The following DYDC2 variants were observed in gnomAD, a reference collection of about 807,000 sequenced individuals.
DYDC2 encodes the protein DPY30 domain containing 2, also known as DPY30 domain-containing protein 2.
Under a neutral mutation model 18.7 loss-of-function variants are expected in DYDC2, and 19 were observed. That is an observed-to-expected ratio of 1.02 (90% CI 0.71 to 1.49). The LOEUF is 1.49. Among genes scored for constraint, DYDC2 ranks in the 40% most tolerant of loss-of-function variants. The pLI is 0.00. For missense variants in DYDC2, 179 were observed against 205.1 expected, an observed-to-expected ratio of 0.87 and a Z score of 0.78; for synonymous variants, 63 against 67.6, an observed-to-expected ratio of 0.93 and a Z score of 0.34.
Position 80,366,668 on chromosome 10 carries a change from C to A in DYDC2, c.271-20C>A, listed in dbSNP as rs752816707. ...TTAGTCTCTAATAATAAGTTTTCGG[C>A]TTTTTTGTTTTCTATTTAGGAACTG... On this transcript the variant is annotated intron_variant, in intron 4 of 4. Coordinates refer to ENST00000256039, the MANE Select transcript of DYDC2 (RefSeq NM_032372.6). 3.8e-6 allele frequency: 6 copies of A among 1,577,302 alleles called. No individual in the cohort carries two copies. Among genetic ancestry groups the A allele is most frequent in the Non-Finnish European group, 5.2e-6 (6 of 1,163,230 alleles).
At chr10:80,355,565 A>C (rs1166486077), upstream of DYDC2, among the ~76,000 whole-genome samples, 1 of 152,182 alleles carries the variant, frequency 6.6e-6, no homozygotes, top group East Asian at 1.9e-4. Context: ...CAATAGTCAC[A>C]CTGAAGCACC....
chr10:80,351,832 T>C, upstream of DYDC2: 1 of 1,422,694 alleles, frequency 7.0e-7, no homozygotes, highest in Non-Finnish European at 9.8e-7. Context: ...TTATCAACAT[T>C]TAGGCTGTGC....
In DYDC2 at chr10:80,357,802, T is replaced by G. The variant is rs551689141; in HGVS notation, c.-162-91T>G. 5.5e-5 allele frequency: 54 copies of G among 985,542 alleles called. 1 individual carries two copies. The South Asian group carries it at 1.5e-3, about 27-fold the overall frequency. 61.0% of individuals were successfully genotyped at this position (985,542 alleles called of 1,614,324 possible). A position where few individuals can be genotyped will look rare whatever the true frequency, so the allele number is the denominator to read the frequency against. On this transcript the variant is annotated intron_variant, in intron 1 of 4. Transcript: ENST00000256039. ...CCTTAATAGATGTTAGTTGAGCTAGTAAATGCCAGATTGGGCGTGGAAAAA... is the reference window on the plus strand; with the variant it reads ...CCTTAATAGATGTTAGTTGAGCTAGGAAATGCCAGATTGGGCGTGGAAAAA...
chr10:80,353,133 C>T (rs1843103904), upstream of DYDC2, among the ~76,000 whole-genome samples: 1 of 151,922 alleles, frequency 6.6e-6, no homozygotes, highest in African/African-American at 2.4e-5. Context: ...TACAAAGCAT[C>T]ACAATAGTCC....
upstream of DYDC2, chr10:80,352,835 A>G (rs567645032): frequency 6.2e-5 from 25 of 400,436 alleles, no homozygotes; most frequent in Non-Finnish European, 1.0e-4. Flanking sequence ...ATCCTGAAGG[A>G]CTCTCAAGTC....
chr10:80,346,108 A>G (rs991161415), intron 1 of DYDC2, among the ~76,000 whole-genome samples: 4 of 152,222 alleles, frequency 2.6e-5, no homozygotes, highest in African/African-American at 9.7e-5. Context: ...TCGGCCTCCC[A>G]AAGTACTGGG....
intron 1 of DYDC2, among the ~76,000 whole-genome samples, chr10:80,347,959 T>C (rs1842768491): frequency 6.6e-6 from 1 of 152,192 alleles, no homozygotes; most frequent in Non-Finnish European, 1.5e-5. Flanking sequence ...TCCATACAAA[T>C]TTTAGAATTG....
chr10:80,365,185 A>T (rs1426963248), intron 4 of DYDC2, among the ~76,000 whole-genome samples: 2 of 152,192 alleles, frequency 1.3e-5, no homozygotes, highest in Non-Finnish European at 2.9e-5. Flanking sequence ...CATGACTTGG[A>T]TACAGGTTAG....
At chr10:80,360,466 C>T (rs1045856590) in intron 2 of DYDC2, among the ~76,000 whole-genome samples, 1 of 152,168 alleles carries the variant, frequency 6.6e-6, no homozygotes, top group African/African-American at 2.4e-5. Flanking sequence ...TGTTCCTACT[C>T]AGATAATCCA....
rs1459611847 is a variant in DYDC2, at chr10:80,367,844, C to T, written c.*893C>T. On this transcript the variant is annotated 3_prime_UTR_variant, in exon 5 of 5. Coordinates refer to ENST00000256039, the MANE Select transcript of DYDC2 (RefSeq NM_032372.6). ...TACATGTAAGATGTACCATCTTAAC[C>T]ATTTTTAAGTGTACAGATCAGTTGT... 1 of 152,096 alleles carries T rather than the reference C, an allele frequency of 6.6e-6. No individual in the cohort carries two copies. Among genetic ancestry groups the T allele is most frequent in the African/African-American group, 2.4e-5 (1 of 41,396 alleles). The allele number at this position is 152,096 out of a possible 1,614,324, so 9.4% of individuals were successfully genotyped here. A position where few individuals can be genotyped will look rare whatever the true frequency, so the allele number is the denominator to read the frequency against.
upstream of DYDC2, chr10:80,356,358 C>T (rs1418073889): frequency 1.0e-6 from 1 of 985,750 alleles, no homozygotes; most frequent in Non-Finnish European, 1.2e-6. Flanking sequence ...CTTACCCACA[C>T]CTGGGAGACA....
chr10:80,359,247 A>C lies in DYDC2; in HGVS notation c.-10+1202A>C, dbSNP rs182892372. ...AGACACAAAAGTTCTCCAAGTCCCCACTAGATTAGCTAGACACAGAGCACT... is the reference window on the plus strand; with the variant it reads ...AGACACAAAAGTTCTCCAAGTCCCCCCTAGATTAGCTAGACACAGAGCACT... On this transcript the variant is annotated intron_variant, in intron 2 of 4. Transcript: ENST00000256039. Among the ~76,000 whole-genome samples the C allele has an allele frequency of 2.9e-3, 435 of 152,250 alleles. 3 individuals carry two copies. Among genetic ancestry groups the C allele is most frequent in the African/African-American group, 0.01 (419 of 41,550 alleles).
At chr10:80,354,019 G>A (rs1251979997), upstream of DYDC2, among the ~76,000 whole-genome samples, 4 of 152,018 alleles carry the variant, frequency 2.6e-5, no homozygotes, top group African/African-American at 9.6e-5. Context: ...GGGAGGCTGA[G>A]GCAGGAGAAT....
At chr10:80,352,423 T>C, upstream of DYDC2, 1 of 1,529,970 alleles carries the variant, frequency 6.5e-7, no homozygotes, top group Non-Finnish European at 8.7e-7. Context: ...GTTTTTTTTC[T>C]TCTAATTTCC....
At chr10:80,347,276 CTTTTTTTTTTTTTTT>C (rs556362145) in intron 1 of DYDC2, among the ~76,000 whole-genome samples, 2 of 90,124 alleles carry the variant, frequency 2.2e-5, no homozygotes, top group Middle Eastern at 6.3e-3. Context: ...AATTGGGATC[CTTTTTTTTTTTTTTT>C]TTTTTTTTTT....
At chr10:80,361,964 G>A (rs1240505150) in intron 2 of DYDC2, among the ~76,000 whole-genome samples, 1 of 152,214 alleles carries the variant, frequency 6.6e-6, no homozygotes, top group Non-Finnish European at 1.5e-5. Context: ...CGTGCTCATT[G>A]CTACTGAAGT....
chr10:80,354,028 A>G (rs949701281), upstream of DYDC2, among the ~76,000 whole-genome samples: 30 of 151,722 alleles, frequency 2.0e-4, no homozygotes, highest in African/African-American at 5.8e-4. Flanking sequence ...AGGCAGGAGA[A>G]TGGGGTGAAC....
intron 2 of DYDC2, among the ~76,000 whole-genome samples, chr10:80,361,988 G>T (rs543676091): frequency 6.6e-6 from 1 of 152,308 alleles, no homozygotes; most frequent in Admixed American, 6.5e-5. Flanking sequence ...TTGGTTTCAA[G>T]GCCCTTGCAG....
At chr10:80,347,087 G>GA (rs534083728) in intron 1 of DYDC2, among the ~76,000 whole-genome samples, 114 of 142,070 alleles carry the variant, frequency 8.0e-4, no homozygotes, top group Middle Eastern at 3.5e-3. Flanking sequence ...GTCCGAAAAA[G>GA]AAAAAAAAAA....
Sources: gnomAD v4.1 joint callset for allele counts (sites outside exome capture counted in the v4.1 genomes callset) on GRCh38, gnomAD v4.1.1 for gene constraint, MANE v1.5 for transcripts, NCBI Gene and HGNC (gene_info 2026-07-23, HGNC 2026-07-21) for gene names.